The following EYS variants were observed in gnomAD, a reference collection of about 807,000 sequenced individuals.
EYS encodes the protein protein eyes shut homolog.
A neutral mutation model predicts 282.1 loss-of-function variants in EYS; 250 were observed. The ratio of observed to expected loss-of-function variants is 0.89; its 90% CI spans 0.80 to 0.98. The LOEUF is 0.98. Ranked by LOEUF, EYS falls within the 50% of genes least tolerant of loss-of-function variation. The pLI is 0.00. For synonymous variants in EYS, 1,355 were observed against 1,282.9 expected, an observed-to-expected ratio of 1.06 and a Z score of -1.20; for missense variants, 4,016 against 3,709.0, an observed-to-expected ratio of 1.08 and a Z score of -2.15.
intron 5 of EYS, among the ~76,000 whole-genome samples, chr6:65,421,999 A>G (rs1463414270): frequency 6.6e-6 from 1 of 151,970 alleles, no homozygotes; most frequent in Non-Finnish European, 1.5e-5. Context: ...AAAAGGTGAC[A>G]GAGACACAAA....
intron 23 of EYS, among the ~76,000 whole-genome samples, chr6:64,623,938 T>G (rs1026980831): frequency 3.3e-5 from 5 of 152,036 alleles, no homozygotes; most frequent in Admixed American, 1.3e-4. Context: ...TTAAATAACT[T>G]TAAAGGGAGG....
intron 30 of EYS, among the ~76,000 whole-genome samples, chr6:64,294,789 TA>T (rs764495107): frequency 7.9e-5 from 12 of 152,202 alleles, no homozygotes; most frequent in Non-Finnish European, 1.5e-4. Context: ...CACTTTAATT[TA>T]AAAAATTAAG....
intron 2 of EYS, among the ~76,000 whole-genome samples, chr6:65,541,009 A>G (rs1582433436): frequency 6.6e-6 from 1 of 152,164 alleles, no homozygotes; most frequent in Non-Finnish European, 1.5e-5. Flanking sequence ...TAGTACTTAT[A>G]TTTATTCCTT....
intron 26 of EYS, among the ~76,000 whole-genome samples, chr6:64,565,192 C>A (rs1205795717): frequency 6.6e-6 from 1 of 152,028 alleles, no homozygotes; most frequent in Non-Finnish European, 1.5e-5. Context: ...AGTTTCATTT[C>A]ATGCAATCTC....
chr6:65,407,773 GTGTGTGTGTGTGTA>G (rs1766816218), intron 5 of EYS, among the ~76,000 whole-genome samples: 1 of 150,264 alleles, frequency 6.7e-6, no homozygotes, highest in African/African-American at 2.5e-5. Context: ...GTGTGTGTGT[GTGTGTGTGTGTGTA>G]TGTCTAACAA....
chr6:63,721,725 A>G lies in EYS; in HGVS notation c.8306T>C (p.Ile2769Thr). ...LRYNLGDRTI[I>T]LETLQKVTIN... ...AGTTACTTTTTGGAGAGTTTCTAGA[A>G]TGATAGTTCTGTCGCCAAGGTTGTA... Residue 2769 changes from isoleucine (I) to threonine (T), a missense_variant, in exon 43 of 43, where the codon ATT becomes ACT. By Grantham distance (89) the Ile-to-Thr change is moderately conservative. Coordinates refer to ENST00000503581, the MANE Select transcript of EYS (RefSeq NM_001142800.2). The G allele has an allele frequency of 6.4e-7, 1 of 1,551,190 alleles. No homozygotes were observed.
chr6:64,152,368 C>A (rs1774772341), intron 31 of EYS, among the ~76,000 whole-genome samples: 1 of 152,148 alleles, frequency 6.6e-6, no homozygotes, highest in Non-Finnish European at 1.5e-5. Flanking sequence ...GAGACTCAAG[C>A]TATGAATAGG....
intron 30 of EYS, among the ~76,000 whole-genome samples, chr6:64,249,594 T>C (rs1292796703): frequency 6.6e-6 from 1 of 151,998 alleles, no homozygotes; most frequent in African/African-American, 2.4e-5. Flanking sequence ...GTTGGAAAAG[T>C]TTAAGAGAAT....
At chr6:65,587,376 G>T (rs567292474) in intron 2 of EYS, among the ~76,000 whole-genome samples, 1 of 152,086 alleles carries the variant, frequency 6.6e-6, no homozygotes, top group East Asian at 1.9e-4. Flanking sequence ...CCCCATGGGA[G>T]GTAATTGAAT....
At chr6:64,263,242 A>T (rs922642203) in intron 30 of EYS, among the ~76,000 whole-genome samples, 3 of 151,938 alleles carry the variant, frequency 2.0e-5, no homozygotes, top group African/African-American at 7.2e-5. Flanking sequence ...TATTCTGGGG[A>T]CGCTTCTGAA....
chr6:65,591,747 A>G (rs1421390892), intron 2 of EYS, among the ~76,000 whole-genome samples: 2 of 152,034 alleles, frequency 1.3e-5, no homozygotes, highest in African/African-American at 4.8e-5. Context: ...ATCACTTGAC[A>G]TGCCTTTGCG....
At chr6:65,403,619 A>G (rs1766601725) in intron 6 of EYS, among the ~76,000 whole-genome samples, 1 of 152,034 alleles carries the variant, frequency 6.6e-6, no homozygotes, top group South Asian at 2.1e-4. Context: ...ACAAATGATA[A>G]CATGTACAAT....
At chr6:64,649,193 A>G (rs1380469163) in intron 22 of EYS, among the ~76,000 whole-genome samples, 1 of 152,216 alleles carries the variant, frequency 6.6e-6, no homozygotes. Flanking sequence ...AAGACACTTT[A>G]CCATCATAAA....
intron 31 of EYS, among the ~76,000 whole-genome samples, chr6:64,125,806 A>AAAAAAAAAAAAC (rs1773764937): frequency 6.6e-6 from 1 of 150,534 alleles, no homozygotes; most frequent in African/African-American, 2.5e-5. Context: ...AAAAAAAAAA[A>AAAAAAAAAAAAC]AAAGTTGTCA....
chr6:64,438,352 TA>T (rs368672959), intron 27 of EYS, among the ~76,000 whole-genome samples: 11 of 151,814 alleles, frequency 7.2e-5, no homozygotes, highest in African/African-American at 2.6e-4. Flanking sequence ...AAATACATAA[TA>T]AAATGATACA....
intron 31 of EYS, among the ~76,000 whole-genome samples, chr6:64,160,242 C>A (rs1327044052): frequency 6.6e-6 from 1 of 152,132 alleles, no homozygotes; most frequent in African/African-American, 2.4e-5. Flanking sequence ...TGAACAGTAC[C>A]TAAAATTCAT....
intron 2 of EYS, among the ~76,000 whole-genome samples, chr6:65,544,337 C>A (rs531711388): frequency 6.6e-6 from 1 of 152,028 alleles, no homozygotes; most frequent in Non-Finnish European, 1.5e-5. Context: ...TGCATCTGGC[C>A]GGTAACTTTG....
intron 26 of EYS, among the ~76,000 whole-genome samples, chr6:64,562,299 C>A (rs1169149674): frequency 2.0e-5 from 3 of 151,566 alleles, no homozygotes; most frequent in Non-Finnish European, 3.0e-5. Flanking sequence ...TAGAAGTCTA[C>A]AAAAATATTT....
At chr6:63,887,892 C>T (rs543332879) in intron 35 of EYS, among the ~76,000 whole-genome samples, 1 of 152,334 alleles carries the variant, frequency 6.6e-6, no homozygotes, top group South Asian at 2.1e-4. Flanking sequence ...GAGCCCAGCA[C>T]TGGCTTGAAA....
Sources: allele counts gnomAD v4.1 joint callset (sites outside exome capture counted in the v4.1 genomes callset), GRCh38; gene constraint gnomAD v4.1.1; transcripts MANE v1.5; gene names NCBI Gene and HGNC (gene_info 2026-07-23, HGNC 2026-07-21).